PPARGC1A: variants seen among roughly 807,000 people sequenced by gnomAD.
PPARGC1A encodes PPARG coactivator 1 alpha, also known as peroxisome proliferator-activated receptor gamma coactivator 1-alpha.
Under a neutral mutation model 88.7 loss-of-function variants are expected in PPARGC1A, and 25 were observed. The ratio of observed to expected loss-of-function variants is 0.28; its 90% CI spans 0.21 to 0.39. PPARGC1A has a LOEUF of 0.39. PPARGC1A is among the 10% of genes least tolerant of loss of function. The pLI, the probability that PPARGC1A is intolerant of heterozygous loss-of-function variation, is 1.00. For missense variants in PPARGC1A, 880 were observed against 968.7 expected (o/e 0.91, Z 1.22); for synonymous variants, 363 against 355.6 (o/e 1.02, Z -0.24).
intron 2 of PPARGC1A, among the ~76,000 whole-genome samples, chr4:23,867,488 G>T (rs1712270738): frequency 6.6e-6 from 1 of 152,150 alleles, no homozygotes; most frequent in Non-Finnish European, 1.5e-5. Context: ...CTAAAATCCT[G>T]GACTGGGTAG....
the PPARGC1A span, among the ~76,000 whole-genome samples, chr4:24,458,914 C>T: frequency 6.6e-6 from 1 of 152,172 alleles, no homozygotes; most frequent in East Asian, 1.9e-4. Context: ...GAAATGCATA[C>T]ACCTAGAAAG....
chr4:24,370,395 T>C, the PPARGC1A span, among the ~76,000 whole-genome samples: 1 of 152,266 alleles, frequency 6.6e-6, no homozygotes, highest in Admixed American at 6.5e-5. Flanking sequence ...AGACAGAATA[T>C]ATTTACATAG....
chr4:23,977,720 T>C, the PPARGC1A span, among the ~76,000 whole-genome samples: 3 of 152,338 alleles, frequency 2.0e-5, no homozygotes, highest in East Asian at 3.9e-4. Flanking sequence ...AAGCAATGGA[T>C]AGCTCGAAGA....
the PPARGC1A span, among the ~76,000 whole-genome samples, chr4:23,923,130 T>A: frequency 2.0e-4 from 30 of 151,840 alleles, no homozygotes; most frequent in African/African-American, 6.8e-4. Flanking sequence ...TTTTTTTTTT[T>A]TTTTTTATTT....
chr4:24,060,615 T>TA, the PPARGC1A span, among the ~76,000 whole-genome samples: 1 of 152,190 alleles, frequency 6.6e-6, no homozygotes, highest in Non-Finnish European at 1.5e-5. Flanking sequence ...TGGGGAAAGA[T>TA]GTAATTTTTT....
At chr4:24,270,544 A>G in the PPARGC1A span, among the ~76,000 whole-genome samples, 1 of 152,216 alleles carries the variant, frequency 6.6e-6, no homozygotes, top group Non-Finnish European at 1.5e-5. Flanking sequence ...AAAAATTCCC[A>G]GAAAGATTAT....
chr4:24,429,482 C>T, the PPARGC1A span, among the ~76,000 whole-genome samples: 1 of 152,100 alleles, frequency 6.6e-6, no homozygotes, highest in African/African-American at 2.4e-5. Context: ...AAGCTTGACA[C>T]CCACAGGGGA....
the PPARGC1A span, among the ~76,000 whole-genome samples, chr4:24,466,402 A>C: frequency 6.6e-6 from 1 of 152,214 alleles, no homozygotes. Flanking sequence ...CAGTGGGGAT[A>C]AGAAGAGGAA....
At chr4:24,373,682 G>T in the PPARGC1A span, among the ~76,000 whole-genome samples, 1 of 152,158 alleles carries the variant, frequency 6.6e-6, no homozygotes, top group Admixed American at 6.5e-5. Context: ...ACAGGATTAA[G>T]ATATCAAAAG....
the PPARGC1A span, among the ~76,000 whole-genome samples, chr4:24,143,100 C>T: frequency 2.0e-5 from 3 of 152,210 alleles, no homozygotes; most frequent in Admixed American, 2.0e-4. Flanking sequence ...ATGTATCTTT[C>T]AAAAATAGAA....
chr4:24,366,599 T>C, the PPARGC1A span, among the ~76,000 whole-genome samples: 3 of 152,182 alleles, frequency 2.0e-5, no homozygotes, highest in Non-Finnish European at 4.4e-5. Flanking sequence ...CCAATTAAAC[T>C]AGTAGCATAA....
At chr4:24,144,994 C>A in the PPARGC1A span, among the ~76,000 whole-genome samples, 1 of 150,652 alleles carries the variant, frequency 6.6e-6, no homozygotes, top group Non-Finnish European at 1.5e-5. Flanking sequence ...TCTTGGGGGC[C>A]AGCAATAATT....
chr4:23,859,914 G>A (rs919304830), intron 2 of PPARGC1A, among the ~76,000 whole-genome samples: 1 of 152,064 alleles, frequency 6.6e-6, no homozygotes, highest in Non-Finnish European at 1.5e-5. Context: ...TATTCAAGTA[G>A]CACAGAAAAT....
At chr4:24,139,234 C>T in the PPARGC1A span, among the ~76,000 whole-genome samples, 8 of 151,866 alleles carry the variant, frequency 5.3e-5, no homozygotes, top group Admixed American at 3.3e-4. Context: ...CCTGGGTTCA[C>T]GCCATTCTTC....
At chr4:24,288,679 T>C in the PPARGC1A span, among the ~76,000 whole-genome samples, 13 of 152,180 alleles carry the variant, frequency 8.5e-5, no homozygotes, top group Non-Finnish European at 1.6e-4. Context: ...CAAATTTCCT[T>C]TTAATATCAC....
chr4:24,436,123 G>A, the PPARGC1A span, among the ~76,000 whole-genome samples: 7 of 152,148 alleles, frequency 4.6e-5, no homozygotes, highest in Non-Finnish European at 1.0e-4. Flanking sequence ...AGATATTCCC[G>A]ATCAATATAA....
the PPARGC1A span, among the ~76,000 whole-genome samples, chr4:24,417,029 C>A: frequency 2.9e-3 from 361 of 123,510 alleles, no homozygotes; most frequent in Middle Eastern, 8.8e-3. Context: ...GATTCCATCT[C>A]AAAAAAAAAA....
At chr4:24,456,465 A>C in the PPARGC1A span, among the ~76,000 whole-genome samples, 1 of 152,144 alleles carries the variant, frequency 6.6e-6, no homozygotes, top group Non-Finnish European at 1.5e-5. Flanking sequence ...ATTCCATACG[A>C]TATTTGCTAG....
chr4:23,976,027 A>G, the PPARGC1A span, among the ~76,000 whole-genome samples: 15 of 152,310 alleles, frequency 9.8e-5, no homozygotes, highest in Non-Finnish European at 8.8e-5. Flanking sequence ...TAGCAATGAG[A>G]ACAATAATGA....
Sources: allele counts gnomAD v4.1 joint callset (sites outside exome capture counted in the v4.1 genomes callset), GRCh38; gene constraint gnomAD v4.1.1; transcripts MANE v1.5; gene names NCBI Gene and HGNC (gene_info 2026-07-23, HGNC 2026-07-21).